DRC11: variants seen among roughly 807,000 people sequenced by gnomAD.
DRC11 encodes the protein dynein regulatory complex subunit 11, also known as IQ and AAA domain-containing protein 1.
chr2:236,354,823 G>A, the DRC11 span, among the ~76,000 whole-genome samples: 8 of 152,104 alleles, frequency 5.3e-5, no homozygotes, highest in Non-Finnish European at 1.0e-4. Context: ...TCCCTGTGTG[G>A]GGTGCTCCCT....
chr2:236,326,019 T>C, the DRC11 span, among the ~76,000 whole-genome samples: 1 of 152,226 alleles, frequency 6.6e-6, no homozygotes, highest in Non-Finnish European at 1.5e-5. Context: ...TTTCACTATC[T>C]TCTGGCACCT....
chr2:236,459,594 CGTATACATATATACGTATATAA>C, the DRC11 span, among the ~76,000 whole-genome samples: 84 of 98,620 alleles, frequency 8.5e-4, no homozygotes, highest in African/African-American at 2.7e-3. Flanking sequence ...TATACGTATA[CGTATACATATATACGTATATAA>C]GTATATACAT....
At chr2:236,472,571 A>G in the DRC11 span, among the ~76,000 whole-genome samples, 2 of 152,302 alleles carry the variant, frequency 1.3e-5, no homozygotes, top group South Asian at 4.1e-4. The surrounding 1 kb of genome is among the most constrained non-coding windows in gnomAD (Gnocchi z 4.6). Context: ...ATAGTTTTCC[A>G]CTGTATAAAA....
At chr2:236,486,785 T>C in the DRC11 span, 12 of 1,271,924 alleles carry the variant, frequency 9.4e-6, no homozygotes, top group Non-Finnish European at 1.4e-5. The surrounding 1 kb of genome is among the most constrained non-coding windows in gnomAD (Gnocchi z 5.7). Context: ...ACATATTCTA[T>C]TGTCTTTAAG....
At chr2:236,451,800 C>T in the DRC11 span, among the ~76,000 whole-genome samples, 1 of 152,276 alleles carries the variant, frequency 6.6e-6, no homozygotes, top group Non-Finnish European at 1.5e-5. Context: ...CAGCCCAGGG[C>T]AGCTGCCATT....
chr2:236,481,112 T>C, the DRC11 span, among the ~76,000 whole-genome samples: 442 of 152,340 alleles, frequency 2.9e-3, 1 homozygote, highest in African/African-American at 9.7e-3. Context: ...GTGGTGCTGC[T>C]GAACAGCCAT....
the DRC11 span, among the ~76,000 whole-genome samples, chr2:236,480,467 C>G: frequency 6.6e-6 from 1 of 152,014 alleles, no homozygotes; most frequent in Admixed American, 6.6e-5. Context: ...AAATAGCTTG[C>G]CTTCAAGCTG....
the DRC11 span, among the ~76,000 whole-genome samples, chr2:236,491,097 T>C: frequency 7.6e-6 from 1 of 131,870 alleles, no homozygotes; most frequent in Non-Finnish European, 1.6e-5. Flanking sequence ...ATATACTCTG[T>C]GTGTGTGTGT....
chr2:236,499,766 C>A, the DRC11 span, among the ~76,000 whole-genome samples: 3 of 152,188 alleles, frequency 2.0e-5, no homozygotes, highest in African/African-American at 7.2e-5. The surrounding 1 kb of genome is among the most constrained non-coding windows in gnomAD (Gnocchi z 4.7). Flanking sequence ...CAAATGTTTT[C>A]TTTGTCCTTG....
the DRC11 span, among the ~76,000 whole-genome samples, chr2:236,494,107 C>A: frequency 6.6e-6 from 1 of 152,144 alleles, no homozygotes; most frequent in African/African-American, 2.4e-5. This position sits in a 1 kb window ranked among gnomAD's most constrained non-coding sequence, Gnocchi z 4.2. Context: ...TTGCTTTAAT[C>A]ATTACAGAAA....
chr2:236,498,461 T>TAA, the DRC11 span, among the ~76,000 whole-genome samples: 2 of 126,990 alleles, frequency 1.6e-5, no homozygotes, highest in Non-Finnish European at 1.6e-5. Flanking sequence ...GAGACTGTCT[T>TAA]AAAAAAAAAA....
At chr2:236,308,684 T>C in the DRC11 span, among the ~76,000 whole-genome samples, 1 of 152,216 alleles carries the variant, frequency 6.6e-6, no homozygotes, top group Non-Finnish European at 1.5e-5. The surrounding 1 kb of genome is among the most constrained non-coding windows in gnomAD (Gnocchi z 6.0). Flanking sequence ...TGAAAAGGAA[T>C]TCATTGAGTT....
At chr2:236,429,606 T>C in the DRC11 span, among the ~76,000 whole-genome samples, 36 of 152,228 alleles carry the variant, frequency 2.4e-4, no homozygotes, top group African/African-American at 8.7e-4. This position sits in a 1 kb window ranked among gnomAD's most constrained non-coding sequence, Gnocchi z 5.9. Context: ...TTTTCTGGCA[T>C]GCATGCAGTA....
At chr2:236,389,310 C>G in the DRC11 span, among the ~76,000 whole-genome samples, 1 of 152,212 alleles carries the variant, frequency 6.6e-6, no homozygotes, top group Non-Finnish European at 1.5e-5. Context: ...TAGCAACCAG[C>G]GAGACTCCAT....
chr2:236,445,492 T>C, the DRC11 span, among the ~76,000 whole-genome samples: 5 of 151,524 alleles, frequency 3.3e-5, no homozygotes, highest in African/African-American at 1.2e-4. This position sits in a 1 kb window ranked among gnomAD's most constrained non-coding sequence, Gnocchi z 4.8. Context: ...ACCACCATGC[T>C]TGACTACTTT....
the DRC11 span, among the ~76,000 whole-genome samples, chr2:236,415,026 AT>A: frequency 6.6e-6 from 1 of 152,222 alleles, no homozygotes; most frequent in Admixed American, 6.5e-5. This position sits in a 1 kb window ranked among gnomAD's most constrained non-coding sequence, Gnocchi z 5.7. Context: ...ATTTTTTCAT[AT>A]TTATGTTAAT....
the DRC11 span, among the ~76,000 whole-genome samples, chr2:236,453,465 G>A: frequency 2.0e-5 from 3 of 152,124 alleles, no homozygotes; most frequent in South Asian, 2.1e-4. The surrounding 1 kb of genome is among the most constrained non-coding windows in gnomAD (Gnocchi z 4.9). Flanking sequence ...AATTAAGAGC[G>A]TGCTAGAACA....
chr2:236,308,243 C>T, the DRC11 span, among the ~76,000 whole-genome samples: 8 of 152,372 alleles, frequency 5.3e-5, no homozygotes, highest in African/African-American at 1.9e-4. This position sits in a 1 kb window ranked among gnomAD's most constrained non-coding sequence, Gnocchi z 6.0. Context: ...GTGGAACACA[C>T]CTGCCTTTGG....
the DRC11 span, chr2:236,346,877 G>A: frequency 1.2e-5 from 2 of 163,936 alleles, no homozygotes; most frequent in African/African-American, 2.4e-5. Context: ...TGCATTAAGA[G>A]GCAAAACGGT....
Sources: gnomAD v4.1 joint callset for allele counts (sites outside exome capture counted in the v4.1 genomes callset) on GRCh38, gnomAD v4.1.1 for gene constraint, Gnocchi (gnomAD v3.1) non-coding constraint, MANE v1.5 for transcripts, NCBI Gene and HGNC (gene_info 2026-07-23, HGNC 2026-07-21) for gene names.